The following TEX11 variants were observed in gnomAD, a reference collection of about 807,000 sequenced individuals.
TEX11 encodes the protein testis expressed 11.
A neutral mutation model predicts 84.4 loss-of-function variants in TEX11; 7 were observed. That is an observed-to-expected ratio of 0.08 (90% CI 0.05 to 0.16). TEX11 has a LOEUF of 0.16. Ranked by LOEUF, TEX11 falls within the 10% of genes least tolerant of loss-of-function variation. The pLI, the probability that TEX11 is intolerant of heterozygous loss-of-function variation, is 1.00. For missense variants in TEX11, 551 were observed against 660.5 expected, an observed-to-expected ratio of 0.83 and a Z score of 1.82; for synonymous variants, 264 against 222.8, an observed-to-expected ratio of 1.18 and a Z score of -1.64.
intron 9 of TEX11, among the ~76,000 whole-genome samples, chrX:70,773,763 C>G (rs923050890): frequency 3.6e-5 from 4 of 111,539 alleles, no homozygotes; most frequent in Non-Finnish European, 7.5e-5. Context: ...TAATAAGAAC[C>G]AAAATAGTAC....
chrX:70,640,534 C>A (rs1163727625), intron 17 of TEX11, among the ~76,000 whole-genome samples: 1 of 110,697 alleles, frequency 9.0e-6, no homozygotes, highest in Non-Finnish European at 1.9e-5. Context: ...GTCAGGTTAC[C>A]CTCAAAGGGA....
intron 2 of TEX11, among the ~76,000 whole-genome samples, chrX:70,901,458 C>T (rs1313360929): frequency 8.9e-6 from 1 of 111,831 alleles, no homozygotes; most frequent in African/African-American, 3.2e-5. Flanking sequence ...ACCTTCTTGG[C>T]ACCAGGGACC....
intron 2 of TEX11, among the ~76,000 whole-genome samples, chrX:70,881,023 AAAAAAAAC>A (rs1442025674): frequency 9.5e-6 from 1 of 105,579 alleles, no homozygotes; most frequent in African/African-American, 3.5e-5. Context: ...AAAAAAAAAA[AAAAAAAAC>A]TAAAACTAAA....
intron 17 of TEX11, among the ~76,000 whole-genome samples, chrX:70,638,318 C>T (rs774376166): frequency 1.8e-5 from 2 of 111,028 alleles, no homozygotes; most frequent in African/African-American, 3.3e-5. Context: ...ATATAGGCCA[C>T]GAAAGAGTGG....
chrX:70,582,939 T>C (rs2147483118), intron 25 of TEX11, among the ~76,000 whole-genome samples: 1 of 108,461 alleles, frequency 9.2e-6, no homozygotes, highest in South Asian at 4.1e-4. Context: ...AGATACGGGG[T>C]TTCACCATGT....
At chrX:70,836,863 A>T (rs1443299323) in intron 7 of TEX11, among the ~76,000 whole-genome samples, 1 of 111,035 alleles carries the variant, frequency 9.0e-6, no homozygotes, top group Non-Finnish European at 1.9e-5. Context: ...CTAAAAATAC[A>T]AAAATTAGCC....
At chrX:70,581,717 ATG>A (rs1476808837) in intron 25 of TEX11, among the ~76,000 whole-genome samples, 1 of 111,756 alleles carries the variant, frequency 8.9e-6, no homozygotes, top group Non-Finnish European at 1.9e-5. Flanking sequence ...AAAGTGCTAC[ATG>A]TGTTCGTGAG....
At chrX:70,710,214 G>C (rs144322432) in intron 13 of TEX11, among the ~76,000 whole-genome samples, 1,949 of 111,223 alleles carry the variant, frequency 0.018, 47 homozygotes, top group African/African-American at 0.06. Context: ...GCACCAATAC[G>C]CATAAGGAAT....
At chrX:70,606,924 G>T in intron 23 of TEX11, 35 bp downstream of exon 23, 1 of 965,011 alleles carries the variant, frequency 1.0e-6, no homozygotes, top group Non-Finnish European at 1.4e-6. Context: ...CCTTGTTGTG[G>T]TCCATACATG....
At chrX:70,659,342 C>G (rs770988716) in intron 16 of TEX11, among the ~76,000 whole-genome samples, 2 of 111,985 alleles carry the variant, frequency 1.8e-5, no homozygotes, top group South Asian at 7.4e-4. Context: ...ATAAATAATT[C>G]CTACAATTCA....
the TEX11 span, among the ~76,000 whole-genome samples, chrX:70,522,707 A>G: frequency 1.0e-5 from 1 of 95,427 alleles, no homozygotes; most frequent in African/African-American, 3.8e-5. Flanking sequence ...CCAATTTTGT[A>G]TTTTTTTTTT....
intron 16 of TEX11, among the ~76,000 whole-genome samples, chrX:70,663,578 A>G (rs902845408): frequency 9.0e-6 from 1 of 111,490 alleles, no homozygotes; most frequent in African/African-American, 3.3e-5. Flanking sequence ...GGGTTTGTCA[A>G]TATCCTCCTT....
intron 11 of TEX11, among the ~76,000 whole-genome samples, chrX:70,732,551 G>A (rs774323826): frequency 9.1e-4 from 102 of 111,573 alleles, no homozygotes; most frequent in African/African-American, 3.3e-3. Context: ...CCCATTCACA[G>A]TTGCTTCAAA....
intron 4 of TEX11, among the ~76,000 whole-genome samples, chrX:70,870,368 C>T (rs547383155): frequency 2.7e-5 from 3 of 110,988 alleles, no homozygotes; most frequent in South Asian, 7.7e-4. Flanking sequence ...GGGAGTCTTG[C>T]TCTGTTGCCC....
chrX:70,795,347 C>T (rs781575806), intron 9 of TEX11, among the ~76,000 whole-genome samples: 2 of 111,230 alleles, frequency 1.8e-5, no homozygotes, highest in South Asian at 7.7e-4. Flanking sequence ...CCTAAGGATT[C>T]TGACTCCAGG....
At chrX:70,645,877 A>G (rs1294210469) in intron 17 of TEX11, among the ~76,000 whole-genome samples, 1 of 111,106 alleles carries the variant, frequency 9.0e-6, no homozygotes, top group Non-Finnish European at 1.9e-5. Context: ...TGCAATCCCT[A>G]TTAAAATTCC....
chrX:70,774,004 C>A, intron 9 of TEX11, among the ~76,000 whole-genome samples: 1 of 110,306 alleles, frequency 9.1e-6, no homozygotes, highest in South Asian at 3.9e-4. Flanking sequence ...GCCCCTAGAC[C>A]CTTGTAGGCC....
intron 11 of TEX11, among the ~76,000 whole-genome samples, chrX:70,730,905 A>G (rs2147731994): frequency 8.9e-6 from 1 of 112,077 alleles, no homozygotes; most frequent in South Asian, 3.7e-4. Context: ...ACTTGGAAGT[A>G]AAGCACTCCT....
At chrX:70,525,258 A>C (rs187335787), downstream of TEX11, among the ~76,000 whole-genome samples, 36 of 110,868 alleles carry the variant, frequency 3.2e-4, no homozygotes, top group Non-Finnish European at 2.6e-4. Context: ...AAGACTTAGA[A>C]GTTTTCATTC....
Sources: gnomAD v4.1 joint callset for allele counts (sites outside exome capture counted in the v4.1 genomes callset) on GRCh38, gnomAD v4.1.1 for gene constraint, MANE v1.5 for transcripts, NCBI Gene and HGNC (gene_info 2026-07-23, HGNC 2026-07-21) for gene names.